The following ZNF236 variants were observed in gnomAD, a reference collection of about 807,000 sequenced individuals.
ZNF236 encodes the protein regulated by glucose.
ZNF236 carries 50 observed loss-of-function variants against 191.2 expected under a neutral mutation model. The observed-to-expected ratio is 0.26, with a 90% CI of 0.21 to 0.33. The LOEUF is 0.33. Ranked by LOEUF, ZNF236 falls within the 10% of genes least tolerant of loss-of-function variation. The pLI is 1.00. For missense variants in ZNF236, 1,754 were observed against 2,374.5 expected (o/e 0.74, Z 5.43); for synonymous variants, 907 against 928.8 (o/e 0.98, Z 0.43).
At chr18:76,884,390 G>C (rs1409855588) in intron 9 of ZNF236, among the ~76,000 whole-genome samples, 2 of 145,456 alleles carry the variant, frequency 1.4e-5, no homozygotes, top group African/African-American at 5.3e-5. Context: ...GACAGTGTGA[G>C]ACTCCATCTC....
At chr18:76,966,444 C>A (rs1280511805) in intron 30 of ZNF236, among the ~76,000 whole-genome samples, 2 of 152,132 alleles carry the variant, frequency 1.3e-5, no homozygotes, top group African/African-American at 4.8e-5. Flanking sequence ...CAGCCCAGAA[C>A]CTGAGCAAGC....
At chr18:76,942,761 G>A (rs1218593292) in intron 26 of ZNF236, among the ~76,000 whole-genome samples, 2 of 149,606 alleles carry the variant, frequency 1.3e-5, no homozygotes, top group Non-Finnish European at 3.0e-5. Flanking sequence ...TGATCCGCCC[G>A]CCTTGGCCTC....
At chr18:76,906,866 C>T (rs182143409) in intron 13 of ZNF236, among the ~76,000 whole-genome samples, 36 of 152,310 alleles carry the variant, frequency 2.4e-4, no homozygotes, top group Non-Finnish European at 4.7e-4. Flanking sequence ...AGCATCCAGC[C>T]AGGGTTTCAT....
At chr18:76,909,201 G>A (rs1324888134) in intron 14 of ZNF236, among the ~76,000 whole-genome samples, 1 of 151,686 alleles carries the variant, frequency 6.6e-6, no homozygotes, top group Non-Finnish European at 1.5e-5. Context: ...TGTAATCTCA[G>A]CTACATAGGA....
chr18:76,900,617 A>G (rs973480432), intron 11 of ZNF236, among the ~76,000 whole-genome samples: 1 of 152,156 alleles, frequency 6.6e-6, no homozygotes, highest in Non-Finnish European at 1.5e-5. Flanking sequence ...GAAAAGAAGG[A>G]CTCGAAACAG....
At chr18:76,877,467 G>A (rs1251278469) in intron 6 of ZNF236, among the ~76,000 whole-genome samples, 1 of 151,210 alleles carries the variant, frequency 6.6e-6, no homozygotes. Flanking sequence ...AGATCACGCT[G>A]TTGCACTCCA....
At position 76,925,543 on chromosome 18, in the gene ZNF236, C is replaced by A; in HGVS notation, c.4016C>A (p.Ala1339Asp). 1 of 1,612,768 alleles carries A rather than the reference C, an allele frequency of 6.2e-7. No homozygotes were observed. Among genetic ancestry groups the A allele is most frequent in the Non-Finnish European group, 8.5e-7 (1 of 1,179,916 alleles). ...PGLVGQAILP[A>D]SVSAGGDLTV... ...CTGGTGGGCCAAGCTATTCTCCCTG[C>A]CTCTGTGTCAGGTAAACGCTGAGCC... is the stretch of plus-strand genomic sequence containing the variant. The change falls in exon 22 of 31, where the codon GCC (alanine) becomes GAC (aspartate). Residue 1339 changes from alanine to aspartate, a missense_variant. This residue lies in a region of ZNF236 where 606 missense variants were observed against 761.5 expected (regional missense o/e 0.80). Transcript: ENST00000320610. This position sits in a 1 kb window ranked among gnomAD's most constrained non-coding sequence, Gnocchi z 5.7.
At chr18:76,948,799 C>T (rs12969025) in intron 27 of ZNF236, among the ~76,000 whole-genome samples, 42,603 of 152,126 alleles carry the variant, frequency 0.28, 6,652 homozygotes, top group East Asian at 0.44. Flanking sequence ...CTTAGCTATG[C>T]GGTCTCCAGG....
At chr18:76,858,672 A>T (rs1421370046) in intron 3 of ZNF236, among the ~76,000 whole-genome samples, 2 of 148,204 alleles carry the variant, frequency 1.3e-5, no homozygotes, top group Non-Finnish European at 3.0e-5. Flanking sequence ...GAAAGGGCTC[A>T]GCTGGAGGCG....
At chr18:76,903,125 G>A (rs539282715) in intron 11 of ZNF236, among the ~76,000 whole-genome samples, 1 of 152,360 alleles carries the variant, frequency 6.6e-6, no homozygotes, top group East Asian at 1.9e-4. Flanking sequence ...GCAAGCTTCA[G>A]GAAGCATAGG....
chr18:76,879,629 C>T (rs369553025), intron 7 of ZNF236, among the ~76,000 whole-genome samples: 1 of 152,182 alleles, frequency 6.6e-6, no homozygotes, highest in African/African-American at 2.4e-5. Flanking sequence ...GACTGGCTCT[C>T]TCTCCCATCA....
chr18:76,833,495 A>C (rs1975230845), intron 1 of ZNF236, among the ~76,000 whole-genome samples: 1 of 152,088 alleles, frequency 6.6e-6, no homozygotes, highest in Admixed American at 6.6e-5. Flanking sequence ...AGGGTGAAAA[A>C]CATTGATTTT....
At chr18:76,924,035 T>G (rs1038116972) in intron 21 of ZNF236, among the ~76,000 whole-genome samples, 2 of 152,180 alleles carry the variant, frequency 1.3e-5, no homozygotes, top group African/African-American at 4.8e-5. Context: ...CAAATGGACT[T>G]TCACACATTT....
At chr18:76,852,946 T>A (rs930479367) in intron 3 of ZNF236, among the ~76,000 whole-genome samples, 3 of 152,214 alleles carry the variant, frequency 2.0e-5, no homozygotes, top group African/African-American at 7.2e-5. Context: ...GAACTGCAAC[T>A]CCCTGTCAGC....
chr18:76,913,902 ACTGT>A lies in ZNF236; in HGVS notation c.3061+8_3061+11del, dbSNP rs780242702. ...TCCCACGAGAAGACACACACAGGTC[ACTGT>A]CTGCCTTATACTTGGAGATTAGTCC... On this transcript the variant is annotated splice_donor_5th_base_variant and intron_variant, in intron 18 of 30. Coordinates refer to ENST00000320610, the MANE Select transcript of ZNF236 (RefSeq NM_001306089.2). 5 of 1,614,034 alleles carry A rather than the reference ACTGT, an allele frequency of 3.1e-6. No homozygotes were observed. The African/African-American group carries it at 6.7e-5, about 22-fold the overall frequency.
chr18:76,941,485 G>A (rs554666440), intron 26 of ZNF236, among the ~76,000 whole-genome samples: 306 of 152,204 alleles, frequency 2.0e-3, no homozygotes, highest in South Asian at 0.013. Context: ...CGTTTGCCAC[G>A]CCCTCTCCCT....
At chr18:76,876,913 G>A (rs911772575) in intron 6 of ZNF236, among the ~76,000 whole-genome samples, 4 of 152,170 alleles carry the variant, frequency 2.6e-5, no homozygotes, top group Non-Finnish European at 4.4e-5. Flanking sequence ...ACTGAGAAGT[G>A]CTCTCGGACC....
intron 22 of ZNF236, 67 bp from the exon 23 acceptor site, chr18:76,926,970 A>G: frequency 6.5e-7 from 1 of 1,541,740 alleles, no homozygotes; most frequent in South Asian, 1.2e-5. Context: ...TATGTAAAAA[A>G]TGAATTACTT....
Position 76,925,481 on chromosome 18 carries a change from A to G in ZNF236, c.3954A>G (p.Leu1318=). ...TGTTTATCATGAACAACTCTGTTCT[A>G]ACAGGACAGTTTGATCAGAATCTGC... ...PNVFIMNNSV[L]TGQFDQNLLQ... is the part of the protein sequence containing the mutation. The change falls in exon 22 of 31, where the codon CTA becomes CTG. Residue 1318 remains leucine, a synonymous_variant. Coordinates refer to ENST00000320610, the MANE Select transcript of ZNF236 (RefSeq NM_001306089.2). The surrounding 1 kb of genome is among the most constrained non-coding windows in gnomAD (Gnocchi z 5.7). 1 of 1,614,214 alleles carries G rather than the reference A, an allele frequency of 6.2e-7. No homozygotes were observed.
Sources: allele counts gnomAD v4.1 joint callset (sites outside exome capture counted in the v4.1 genomes callset), GRCh38; gene constraint gnomAD v4.1.1; regional missense constraint gnomAD v4.1.1; non-coding constraint Gnocchi (gnomAD v3.1); transcripts MANE v1.5; gene names NCBI Gene and HGNC (gene_info 2026-07-23, HGNC 2026-07-21).